The following HFM1 variants were observed in gnomAD, a reference collection of about 807,000 sequenced individuals.
HFM1 encodes the protein probable ATP-dependent DNA helicase HFM1.
A neutral mutation model predicts 192.1 loss-of-function variants in HFM1; 169 were observed. The ratio of observed to expected loss-of-function variants is 0.88; its 90% confidence interval spans 0.78 to 1.00. The LOEUF (loss-of-function observed/expected upper bound fraction) is 1.00. Ranked by LOEUF, HFM1 falls within the 50% of genes least tolerant of loss-of-function variation. The probability of loss-of-function intolerance (pLI) is 0.00; values close to 1 mark genes in which losing one functional copy is unlikely to be tolerated. For missense variants in HFM1, 1,661 were observed against 1,668.0 expected (o/e 1.00, Z 0.07); for synonymous variants, 525 against 537.8 (o/e 0.98, Z 0.33).
intron 4 of HFM1, among the ~76,000 whole-genome samples, chr1:91,392,363 T>C (rs1340894024): frequency 2.6e-5 from 4 of 152,272 alleles, no homozygotes; most frequent in South Asian, 4.1e-4. Context: ...CCATCAATGA[T>C]AGACTGGATT....
Position 91,313,400 on chromosome 1 carries a change from T to G in HFM1, c.3340A>C (p.Ile1114Leu). The G allele has an allele frequency of 6.3e-7, 1 of 1,598,166 alleles. No individual in the cohort carries two copies. Among genetic ancestry groups the G allele is most frequent in the Non-Finnish European group, 8.6e-7 (1 of 1,168,392 alleles). Residue 1114 changes from isoleucine to leucine, a missense_variant, in exon 30 of 39, where the codon ATT becomes CTT. Physicochemically the swap from Ile to Leu is conservative, Grantham distance 5. Coordinates refer to ENST00000370425, the MANE Select transcript of HFM1 (RefSeq NM_001017975.6). ...ATGTCTGAATGTTTAGAATGGGAAATCTGTGTTTCAGATTTTCTTTGCATA... is the reference window on the plus strand; with the variant it reads ...ATGTCTGAATGTTTAGAATGGGAAAGCTGTGTTTCAGATTTTCTTTGCATA... Reference protein sequence around the residue: ...ITMQRKSETQISHSKHSDIST... With the variant: ...ITMQRKSETQLSHSKHSDIST...
chr1:91,328,585 T>C (rs1161562989), intron 20 of HFM1: 12 of 1,608,518 alleles, frequency 7.5e-6, no homozygotes, highest in Non-Finnish European at 9.4e-6. Flanking sequence ...AGGCATGTTC[T>C]ACCGCACTAT....
At position 91,356,540 on chromosome 1, in the gene HFM1, C is replaced by A. The variant is rs72970332; in HGVS notation, c.1686-3241G>T. Among the ~76,000 whole-genome samples the A allele has an allele frequency of 2.3e-3, 354 of 151,828 alleles. 1 individual carries two copies. The highest frequency in any genetic ancestry group is 8.1e-3 in the African/African-American group (334 of 41,424). On this transcript the variant is annotated intron_variant, in intron 13 of 38. Coordinates refer to ENST00000370425, the MANE Select transcript of HFM1 (RefSeq NM_001017975.6). ...ACTAAATAGACAGCCTAACATTATA[C>A]CTACAGGAGCTAGCAAAAGAACAAA...
chr1:91,283,242 A>T (rs1477654485), intron 30 of HFM1, among the ~76,000 whole-genome samples: 1 of 152,122 alleles, frequency 6.6e-6, no homozygotes, highest in Non-Finnish European at 1.5e-5. Context: ...GAAAAAAAAT[A>T]ATCTAAGCTG....
intron 11 of HFM1, among the ~76,000 whole-genome samples, chr1:91,376,651 T>G (rs980892544): frequency 2.0e-5 from 3 of 151,680 alleles, no homozygotes; most frequent in Non-Finnish European, 4.4e-5. Context: ...GAACTCAAAG[T>G]AGTTGATAAA....
At chr1:91,328,702 A>C in intron 20 of HFM1, 1 of 1,602,550 alleles carries the variant, frequency 6.2e-7, no homozygotes, top group Non-Finnish European at 8.5e-7. Context: ...GGGCTGAGGC[A>C]GAGAAGCAGC....
chr1:91,390,305 G>C (rs374987127), intron 4 of HFM1, among the ~76,000 whole-genome samples: 4 of 151,910 alleles, frequency 2.6e-5, no homozygotes, highest in African/African-American at 7.3e-5. Flanking sequence ...GTGTGGTGGC[G>C]CACGCCTGTA....
intron 30 of HFM1, among the ~76,000 whole-genome samples, chr1:91,298,998 T>C (rs967538108): frequency 6.6e-6 from 1 of 152,168 alleles, no homozygotes; most frequent in African/African-American, 2.4e-5. Context: ...ACTGGCAAAC[T>C]GGAGAAAGAG....
At chr1:91,374,415 T>A (rs1660654537) in intron 13 of HFM1, among the ~76,000 whole-genome samples, 4 of 152,122 alleles carry the variant, frequency 2.6e-5, no homozygotes, top group Non-Finnish European at 5.9e-5. Flanking sequence ...TAAGAGAGTG[T>A]GTGTGTAGTG....
At chr1:91,398,135 A>G (rs1028952994) in intron 2 of HFM1, among the ~76,000 whole-genome samples, 1 of 152,208 alleles carries the variant, frequency 6.6e-6, no homozygotes, top group Non-Finnish European at 1.5e-5. Context: ...CTTTTCAAGA[A>G]CAGCAGTTTA....
In HFM1 at chr1:91,314,058, T is replaced by A. The variant is rs1176059979; in HGVS notation, c.3143A>T (p.Asp1048Val). 6.3e-7 allele frequency: 1 copy of A among 1,591,236 alleles called. No individual in the cohort carries two copies. The part of the protein sequence containing the change: ...NQVVYLHKIT[D>V]SVLLKAGSWA... ...ACTTCCAGCTTTTAGCAAAACAGAA[T>A]CCCTGAAAAATAGTATAGTTTAAAT... Residue 1048 changes from aspartate (D) to valine (V), a missense_variant and splice_region_variant, in exon 29 of 39, where the codon GAT (aspartate) becomes GTT (valine). By Grantham distance (152) the Asp-to-Val change is radical. Coordinates refer to ENST00000370425, the MANE Select transcript of HFM1 (RefSeq NM_001017975.6).
chr1:91,270,299 C>A (rs1479213382), intron 34 of HFM1, among the ~76,000 whole-genome samples: 1 of 152,030 alleles, frequency 6.6e-6, no homozygotes, highest in Admixed American at 6.6e-5. Context: ...GACACTTTAG[C>A]AGCTTAACAA....
At chr1:91,391,127 C>T (rs1236819136) in intron 4 of HFM1, among the ~76,000 whole-genome samples, 13 of 152,188 alleles carry the variant, frequency 8.5e-5, no homozygotes, top group African/African-American at 3.1e-4. Flanking sequence ...GAAGAACATT[C>T]CATGCTCATG....
intron 20 of HFM1, chr1:91,329,354 G>T: frequency 6.2e-7 from 1 of 1,600,934 alleles, no homozygotes; most frequent in Non-Finnish European, 8.5e-7. Flanking sequence ...GTGGGGTCAA[G>T]AGGCTGAGTA....
intron 13 of HFM1, among the ~76,000 whole-genome samples, chr1:91,359,580 A>C (rs1224818584): frequency 6.6e-6 from 1 of 151,884 alleles, no homozygotes; most frequent in Non-Finnish European, 1.5e-5. Context: ...GAAGAAGAAG[A>C]ATGAAAAGGA....
At chr1:91,309,698 G>A (rs1170763641) in intron 30 of HFM1, among the ~76,000 whole-genome samples, 1 of 152,060 alleles carries the variant, frequency 6.6e-6, no homozygotes, top group Non-Finnish European at 1.5e-5. Flanking sequence ...TTATTTTTGA[G>A]CCATTGAGAA....
chr1:91,289,416 G>A (rs548173498), intron 30 of HFM1, among the ~76,000 whole-genome samples: 423 of 152,060 alleles, frequency 2.8e-3, no homozygotes, highest in African/African-American at 9.3e-3. Flanking sequence ...CATCCCAGAC[G>A]ATGGGCGGCC....
intron 25 of HFM1, 102 bp from the exon 26 acceptor site, chr1:91,316,578 A>G (rs1257008357): frequency 4.3e-6 from 2 of 460,094 alleles, no homozygotes; most frequent in Non-Finnish European, 7.3e-6. Context: ...AAAAATTTTA[A>G]GATCCAGTCA....
chr1:91,311,836 G>C (rs1650507406), intron 30 of HFM1, among the ~76,000 whole-genome samples: 1 of 152,170 alleles, frequency 6.6e-6, no homozygotes, highest in African/African-American at 2.4e-5. Context: ...GGAGGCCCAG[G>C]AGGAAAAAGT....
Sources: allele counts gnomAD v4.1 joint callset (sites outside exome capture counted in the v4.1 genomes callset), GRCh38; gene constraint gnomAD v4.1.1; transcripts MANE v1.5; gene names NCBI Gene and HGNC (gene_info 2026-07-23, HGNC 2026-07-21).